Variants in PCDHA7 observed in about 807,000 individuals in gnomAD.
PCDHA7 encodes protocadherin alpha 7, also known as protocadherin alpha-7.
In PCDHA7, 37 loss-of-function variants were observed where a neutral mutation model predicts 57.2. That is an observed-to-expected ratio of 0.65 (90% confidence interval 0.50 to 0.85). PCDHA7 has a LOEUF of 0.85. Ranked by LOEUF, PCDHA7 falls within the 40% of genes least tolerant of loss-of-function variation. The probability of loss-of-function intolerance (pLI) is 0.00; values close to 1 mark genes in which losing one functional copy is unlikely to be tolerated. For synonymous variants in PCDHA7, 553 were observed against 558.8 expected, an observed-to-expected ratio of 0.99 and a Z score of 0.15; for missense variants, 1,188 against 1,241.8, an observed-to-expected ratio of 0.96 and a Z score of 0.65.
intron 1 of PCDHA7, among the ~76,000 whole-genome samples, chr5:140,969,735 T>A (rs1029423690): frequency 2.6e-5 from 4 of 152,188 alleles, no homozygotes; most frequent in Non-Finnish European, 5.9e-5. Flanking sequence ...TGAAATCCTA[T>A]ATGAGTGATG....
At chr5:140,915,083 C>T in intron 1 of PCDHA7, among the ~76,000 whole-genome samples, 1 of 151,628 alleles carries the variant, frequency 6.6e-6, no homozygotes, top group East Asian at 1.9e-4. Flanking sequence ...GTAGCTGGGA[C>T]TATGGGCACG....
At chr5:140,900,456 T>C (rs902615387) in intron 1 of PCDHA7, among the ~76,000 whole-genome samples, 3 of 152,210 alleles carry the variant, frequency 2.0e-5, no homozygotes, top group Non-Finnish European at 2.9e-5. Flanking sequence ...TTTTTATTTT[T>C]AGTAGACACG....
intron 1 of PCDHA7, among the ~76,000 whole-genome samples, chr5:140,923,974 C>A (rs2081604148): frequency 6.6e-6 from 1 of 152,212 alleles, no homozygotes; most frequent in African/African-American, 2.4e-5. Flanking sequence ...CCCACACATA[C>A]TATCCCTCTA....
intron 1 of PCDHA7, chr5:140,870,128 C>T: frequency 6.2e-7 from 1 of 1,613,948 alleles, no homozygotes; most frequent in Non-Finnish European, 8.5e-7. Flanking sequence ...ATCTTGGACA[C>T]CAACGATAAC....
rs2150214922 is a variant in PCDHA7, at chr5:140,834,297, C to T, written c.-87C>T. 4 of 1,251,276 alleles carry T rather than the reference C, an allele frequency of 3.2e-6. No individual in the cohort carries two copies. Among genetic ancestry groups the T allele is most frequent in the African/African-American group, 3.0e-5 (2 of 66,546 alleles). 77.5% of individuals were successfully genotyped at this position (1,251,276 alleles called of 1,614,324 possible). On this transcript the variant is annotated 5_prime_UTR_variant, in exon 1 of 4. Coordinates refer to ENST00000525929, the MANE Select transcript of PCDHA7 (RefSeq NM_018910.3). ...CTTTGGATGCACAACAATGGCCACA[C>T]ATCGAGATTGAAATGAAGGGATAAA... is the stretch of plus-strand genomic sequence containing the variant.
intron 1 of PCDHA7, among the ~76,000 whole-genome samples, chr5:140,839,625 C>T (rs1361180713): frequency 6.6e-6 from 1 of 151,884 alleles, no homozygotes; most frequent in African/African-American, 2.4e-5. Flanking sequence ...CCTGAGATAT[C>T]GAGAAATACT....
intron 1 of PCDHA7, among the ~76,000 whole-genome samples, chr5:140,905,695 C>T (rs1350689939): frequency 6.6e-6 from 1 of 152,134 alleles, no homozygotes; most frequent in African/African-American, 2.4e-5. Context: ...TTGTTTGTGT[C>T]ATTTATGATT....
rs782344407 is a variant in PCDHA7 at position 140,928,808 on chromosome 5, G to T, written c.2356-50141G>T. 3.7e-6 allele frequency: 6 copies of T among 1,614,062 alleles called. No homozygotes were observed. In the Admixed American group the frequency reaches 1.0e-4, roughly 27 times the overall value. The stretch of plus-strand genomic sequence containing the variant: ...AAGCAGAGGGTGGTGGTAGTGGTTC[G>T]GGACCATGGAGACCCACCACTTTCC... On this transcript the variant is annotated intron_variant, in intron 1 of 3. Coordinates refer to ENST00000525929, the MANE Select transcript of PCDHA7 (RefSeq NM_018910.3).
chr5:141,001,850 T>G (rs2098040443), intron 3 of PCDHA7, among the ~76,000 whole-genome samples: 1 of 152,164 alleles, frequency 6.6e-6, no homozygotes, highest in Admixed American at 6.5e-5. Context: ...AGAGAGAGGT[T>G]GATTAAATTG....
chr5:140,870,764 T>A, intron 1 of PCDHA7: 1 of 1,613,600 alleles, frequency 6.2e-7, no homozygotes, highest in Non-Finnish European at 8.5e-7. Flanking sequence ...CAGGTGTTCG[T>A]GCTGGACGAG....
rs2150219703 is a variant in PCDHA7, at chr5:140,834,491, C to T, written c.108C>T (p.Pro36=). The T allele has an allele frequency of 1.2e-6, 2 of 1,614,110 alleles. No individual in the cohort carries two copies. Among genetic ancestry groups the T allele is most frequent in the South Asian group, 1.1e-5 (1 of 91,084 alleles). ...GAGGCCAGCTCCACTACTCGGTCCC[C>T]GAGGAGGCTAAACATGGCAACTTCG... ...AGRGQLHYSV[P]EEAKHGNFVG... is the part of the protein sequence containing the mutation. The change falls in exon 1 of 4, where the codon CCC becomes CCT. Residue 36 remains proline, a synonymous_variant. Coordinates refer to ENST00000525929, the MANE Select transcript of PCDHA7 (RefSeq NM_018910.3).
intron 1 of PCDHA7, chr5:140,864,514 A>ATTTTACTTCTTAATT (rs2048501242): frequency 6.6e-6 from 1 of 152,082 alleles, no homozygotes; most frequent in African/African-American, 2.4e-5. Context: ...TTTAAAGGTG[A>ATTTTACTTCTTAATT]TTTTACTTCT....
In PCDHA7 at chr5:140,943,140, C is replaced by CCCAGCTA. The variant is rs377502817; in HGVS notation, c.2356-35807_2356-35801dup. 5.8e-3 allele frequency among the ~76,000 whole-genome samples: 878 copies of CCCAGCTA among 151,552 alleles called. 7 individuals are homozygous for CCCAGCTA. The highest frequency in any genetic ancestry group is 0.021 in the African/African-American group (851 of 41,302). On this transcript the variant is annotated intron_variant, in intron 1 of 3. Transcript: ENST00000525929. ...AGGTGTGGTAGTGGGTGCCTGTAGT[C>CCCAGCTA]CCAGCTACTCTGGAGGCTGAGGCAG...
rs146702581 is a variant in PCDHA7 at position 140,929,720 on chromosome 5, C to T, written c.2356-49229C>T. ...TATGAATATAATATGGAAGGTGAAA[C>T]ATTTACTTAAACTATTGCAATGCAT... On this transcript the variant is annotated intron_variant, in intron 1 of 3. Coordinates refer to ENST00000525929, the MANE Select transcript of PCDHA7 (RefSeq NM_018910.3). The T allele has an allele frequency of 2.8e-3, 635 of 224,158 alleles. 4 individuals are homozygous for T. The highest frequency in any genetic ancestry group is 6.2e-3 in the African/African-American group (270 of 43,802). 13.9% of individuals were successfully genotyped at this position (224,158 alleles called of 1,614,324 possible).
At chr5:140,884,320 A>T in intron 1 of PCDHA7, 1 of 1,613,806 alleles carries the variant, frequency 6.2e-7, no homozygotes, top group Non-Finnish European at 8.5e-7. Context: ...GGGCGTCGGC[A>T]GGCGCTGTGG....
chr5:140,909,575 G>A (rs114329297), intron 1 of PCDHA7, among the ~76,000 whole-genome samples: 373 of 152,290 alleles, frequency 2.4e-3, no homozygotes, highest in African/African-American at 8.5e-3. Context: ...CCAGAGATGT[G>A]ATATGTTTTT....
At chr5:140,953,104 G>T (rs535123595) in intron 1 of PCDHA7, among the ~76,000 whole-genome samples, 1 of 152,244 alleles carries the variant, frequency 6.6e-6, no homozygotes, top group African/African-American at 2.4e-5. Flanking sequence ...CATGAGATTT[G>T]GGCAGGGACA....
intron 1 of PCDHA7, among the ~76,000 whole-genome samples, chr5:140,962,617 G>A (rs189225320): frequency 3.8e-4 from 58 of 152,276 alleles, no homozygotes; most frequent in Non-Finnish European, 1.9e-4. Context: ...GAGGAAGGGA[G>A]ATGTGAAAAA....
intron 1 of PCDHA7, chr5:140,929,361 C>T (rs115903226): frequency 3.5e-5 from 53 of 1,519,472 alleles, no homozygotes; most frequent in Middle Eastern, 1.8e-4. Context: ...TCCTTTGGCC[C>T]GGAGATGGCT....
Sources: allele counts gnomAD v4.1 joint callset (sites outside exome capture counted in the v4.1 genomes callset), GRCh38; gene constraint gnomAD v4.1.1; transcripts MANE v1.5; gene names NCBI Gene and HGNC (gene_info 2026-07-23, HGNC 2026-07-21).